Variants in CNNM3 observed in about 807,000 individuals in gnomAD.
CNNM3 encodes metal transporter CNNM3.
In CNNM3, 47 loss-of-function variants were observed where a neutral mutation model predicts 57.1. The ratio of observed to expected loss-of-function variants is 0.82; its 90% confidence interval spans 0.65 to 1.05. The LOEUF (loss-of-function observed/expected upper bound fraction) is 1.05. Ranked by LOEUF, CNNM3 falls within the 50% of genes least tolerant of loss-of-function variation. The probability of loss-of-function intolerance (pLI) is 0.00; values close to 1 mark genes in which losing one functional copy is unlikely to be tolerated. For missense variants in CNNM3, 957 were observed against 973.7 expected, an observed-to-expected ratio of 0.98 and a Z score of 0.23; for synonymous variants, 507 against 478.2, an observed-to-expected ratio of 1.06 and a Z score of -0.79.
At position 96,827,848 on chromosome 2, in the gene CNNM3, A is replaced by G. The variant is rs1407478606; in HGVS notation, c.1637A>G (p.His546Arg). The G allele has an allele frequency of 6.2e-7, 1 of 1,614,164 alleles. No homozygotes were observed. The highest frequency in any genetic ancestry group is 1.7e-5 in the Admixed American group (1 of 60,030). The change falls in exon 4 of 8, where the codon CAC becomes CGC. Residue 546 changes from histidine (H) to arginine (R), a missense_variant. By Grantham distance (29) the His-to-Arg change is conservative. Transcript: ENST00000305510. Reference sequence around the variant, plus strand: ...GAGAGCAACCGGCTGGCCACACACCACTACCTGTACCAGCGCAGCCAGCCG... The same window carrying G: ...GAGAGCAACCGGCTGGCCACACACCGCTACCTGTACCAGCGCAGCCAGCCG... ...FDESNRLATH[H>R]YLYQRSQPVD...
At chr2:96,826,745 G>A in intron 2 of CNNM3, 88 bp from the exon 3 acceptor site, 2 of 1,500,346 alleles carry the variant, frequency 1.3e-6, no homozygotes, top group Middle Eastern at 2.3e-4. Flanking sequence ...GGCCTCAGGA[G>A]GAAGGAGCAG....
chr2:96,822,002 A>ATT (rs1333073832), intron 1 of CNNM3, among the ~76,000 whole-genome samples: 1 of 149,246 alleles, frequency 6.7e-6, no homozygotes, highest in African/African-American at 2.5e-5. Context: ...TATTATTATT[A>ATT]TTATTTTTTT....
intron 1 of CNNM3, among the ~76,000 whole-genome samples, chr2:96,817,755 C>A (rs1476283862): frequency 5.9e-5 from 9 of 151,916 alleles, no homozygotes; most frequent in Non-Finnish European, 1.0e-4. Flanking sequence ...GGATAGCCCC[C>A]CCCCCCCATT....
intron 5 of CNNM3, 162 bp downstream of exon 5, chr2:96,828,357 C>A: frequency 1.2e-6 from 1 of 812,962 alleles, no homozygotes; most frequent in Non-Finnish European, 1.9e-6. Flanking sequence ...GGGAGGGCAG[C>A]ATTCTTCATC....
intron 5 of CNNM3, 71 bp downstream of exon 5, chr2:96,828,266 G>C (rs1171408547): frequency 8.8e-6 from 11 of 1,255,638 alleles, no homozygotes; most frequent in Non-Finnish European, 1.3e-5. Context: ...TCATCACTTG[G>C]GCTCTCAGTG....
chr2:96,836,778 A>C (rs1386067670), downstream of CNNM3: 2 of 152,216 alleles, frequency 1.3e-5, no homozygotes, highest in African/African-American at 4.8e-5. Flanking sequence ...TGTTGCTTTT[A>C]GTGTTGCATT....
chr2:96,826,709 C>T (rs942012818), intron 2 of CNNM3, 124 bp from the exon 3 acceptor site: 9 of 1,162,636 alleles, frequency 7.7e-6, no homozygotes, highest in African/African-American at 6.1e-5. Flanking sequence ...CCTGGCGTTC[C>T]GATGCTGCTC....
intron 1 of CNNM3, 102 bp from the exon 2 acceptor site, chr2:96,824,956 C>T: frequency 1.5e-6 from 2 of 1,330,298 alleles, no homozygotes; most frequent in Non-Finnish European, 2.1e-6. Context: ...GTTGTAGGAG[C>T]ATGAACGTTA....
intron 1 of CNNM3, among the ~76,000 whole-genome samples, chr2:96,821,889 A>G (rs918435674): frequency 5.3e-5 from 8 of 152,220 alleles, no homozygotes; most frequent in African/African-American, 1.9e-4. Context: ...TGTTTGAAGT[A>G]TGGTTTCTAC....
rs1454448861 is a variant in CNNM3, at chr2:96,833,831, G to A, written c.*1215G>A. On this transcript the variant is annotated 3_prime_UTR_variant, in exon 8 of 8. Coordinates refer to ENST00000305510, the MANE Select transcript of CNNM3 (RefSeq NM_017623.5). ...AGGTCAAAACAACAGTGATATCCTT[G>A]CTTAGAAATTGTCCTCAAGGAATAA... is the stretch of plus-strand genomic sequence containing the variant. The A allele has an allele frequency of 6.6e-6, 1 of 152,190 alleles. No individual in the cohort carries two copies. Among genetic ancestry groups the A allele is most frequent in the African/African-American group, 2.4e-5 (1 of 41,454 alleles). The allele number at this position is 152,190 out of a possible 1,614,324, so 9.4% of individuals were successfully genotyped here.
intron 1 of CNNM3, among the ~76,000 whole-genome samples, chr2:96,822,002 A>T (rs2079413987): frequency 6.7e-6 from 1 of 149,246 alleles, no homozygotes; most frequent in Non-Finnish European, 1.5e-5. Context: ...TATTATTATT[A>T]TTATTTTTTT....
chr2:96,836,830 G>GT (rs1192782530), downstream of CNNM3: 1 of 151,192 alleles, frequency 6.6e-6, no homozygotes, highest in Non-Finnish European at 1.5e-5. Flanking sequence ...AAGGTTATCT[G>GT]TTTTTTCCTA....
chr2:96,827,265 CTTTTTT>C (rs373030542), intron 3 of CNNM3, among the ~76,000 whole-genome samples: 1 of 134,760 alleles, frequency 7.4e-6, no homozygotes, highest in African/African-American at 2.7e-5. Context: ...CTGCCCAGTT[CTTTTTT>C]TTTTTTTTTT....
At chr2:96,823,803 A>G (rs921450550) in intron 1 of CNNM3, among the ~76,000 whole-genome samples, 4 of 152,176 alleles carry the variant, frequency 2.6e-5, no homozygotes, top group African/African-American at 9.7e-5. Context: ...GCCTGGTTGA[A>G]TGAGTTGCTC....
chr2:96,828,000 C>T (rs1338119230), intron 4 of CNNM3, 99 bp from the exon 5 acceptor site: 2 of 1,554,758 alleles, frequency 1.3e-6, no homozygotes, highest in African/African-American at 2.7e-5. Flanking sequence ...TGCACCCTCC[C>T]ACCCCAAACA....
Position 96,826,977 on chromosome 2 carries a change from C to T in CNNM3, c.1514C>T (p.Ser505Phe), listed in dbSNP as rs1421343950. The T allele has an allele frequency of 1.9e-6, 3 of 1,613,848 alleles. No individual in the cohort carries two copies. Among genetic ancestry groups the T allele is most frequent in the Middle Eastern group, 1.7e-4 (1 of 6,056 alleles). Residue 505 changes from serine (S) to phenylalanine (F), a missense_variant, in exon 3 of 8, where the codon TCC (serine) becomes TTC (phenylalanine). By Grantham distance (155) the Ser-to-Phe change is radical. Transcript: ENST00000305510. ...CTCTTGGCCACCCAGCGCTTCCTGTCCCGAGGTGAGGCGGGAGGGTGGTCC... is the reference window on the plus strand; with the variant it reads ...CTCTTGGCCACCCAGCGCTTCCTGTTCCGAGGTGAGGCGGGAGGGTGGTCC... ...QLLLATQRFL[S>F]REVDVFSPLR...
At chr2:96,817,760 C>A (rs951378907) in intron 1 of CNNM3, among the ~76,000 whole-genome samples, 6 of 151,956 alleles carry the variant, frequency 3.9e-5, no homozygotes, top group Admixed American at 2.0e-4. Flanking sequence ...GCCCCCCCCC[C>A]CCATTTGCAG....
chr2:96,821,646 C>G (rs1394009522), intron 1 of CNNM3, among the ~76,000 whole-genome samples: 1 of 147,710 alleles, frequency 6.8e-6, no homozygotes, highest in Non-Finnish European at 1.5e-5. Flanking sequence ...GGAGTTATGT[C>G]CTGATAAACC....
At position 96,830,442 on chromosome 2, in the gene CNNM3, C is replaced by T. The variant is rs559021212; in HGVS notation, c.2059+1308C>T. On this transcript the variant is annotated intron_variant, in intron 7 of 7. Transcript: ENST00000305510. Reference sequence around the variant, plus strand: ...TCTGACCTGCTTCCTGTAGGCCTCCCGTGGAGCCACTGTGGCTGCTCAGAC... The same window carrying T: ...TCTGACCTGCTTCCTGTAGGCCTCCTGTGGAGCCACTGTGGCTGCTCAGAC... Among the ~76,000 whole-genome samples the T allele has an allele frequency of 6.6e-5, 10 of 152,308 alleles. 1 individual carries two copies. The East Asian group carries it at 1.3e-3, about 21-fold the overall frequency.
Sources: gnomAD v4.1 joint callset for allele counts (sites outside exome capture counted in the v4.1 genomes callset) on GRCh38, gnomAD v4.1.1 for gene constraint, MANE v1.5 for transcripts, NCBI Gene and HGNC (gene_info 2026-07-23, HGNC 2026-07-21) for gene names.